Variants in MALRD1 observed in about 807,000 individuals in gnomAD.
The protein encoded by MALRD1 is MAM and LDL receptor class A domain containing 1.
In MALRD1, 247 loss-of-function variants were observed where a neutral mutation model predicts 242.1. The observed-to-expected ratio is 1.02, with a 90% confidence interval of 0.92 to 1.13. The LOEUF (loss-of-function observed/expected upper bound fraction) is 1.13. Among genes scored for constraint, MALRD1 ranks in the 50% most tolerant of loss-of-function variants. The pLI, the probability that MALRD1 is intolerant of heterozygous loss-of-function variation, is 0.00. For synonymous variants in MALRD1, 995 were observed against 866.6 expected, an observed-to-expected ratio of 1.15 and a Z score of -2.60; for missense variants, 2,989 against 2,533.1, an observed-to-expected ratio of 1.18 and a Z score of -3.86.
chr10:19,586,355 T>C (rs1837401878), intron 33 of MALRD1, among the ~76,000 whole-genome samples: 1 of 152,144 alleles, frequency 6.6e-6, no homozygotes, highest in South Asian at 2.1e-4. Flanking sequence ...ATTTTTGTGG[T>C]TTTATCTACT....
At chr10:19,124,883 T>C (rs1837198761) in intron 7 of MALRD1, among the ~76,000 whole-genome samples, 1 of 151,760 alleles carries the variant, frequency 6.6e-6, no homozygotes, top group South Asian at 2.1e-4. Context: ...TTTTTTAAGT[T>C]TTATTATTTC....
chr10:19,232,587 A>G (rs1361496051), intron 18 of MALRD1, among the ~76,000 whole-genome samples: 2 of 152,164 alleles, frequency 1.3e-5, no homozygotes, highest in Non-Finnish European at 2.9e-5. Flanking sequence ...TGCAGGGTGA[A>G]GTGAGATTGT....
chr10:19,629,798 C>T (rs777856401), intron 36 of MALRD1, among the ~76,000 whole-genome samples: 1 of 152,102 alleles, frequency 6.6e-6, no homozygotes, highest in Admixed American at 6.6e-5. Context: ...CCCCAGTGGC[C>T]CTGGAACGGC....
intron 36 of MALRD1, among the ~76,000 whole-genome samples, chr10:19,634,863 C>G (rs988549326): frequency 2.0e-5 from 3 of 152,142 alleles, no homozygotes; most frequent in African/African-American, 7.2e-5. Context: ...ACATCTCACT[C>G]CACTAAGAGA....
chr10:19,068,086 A>G (rs959901777), intron 2 of MALRD1, among the ~76,000 whole-genome samples: 8 of 152,048 alleles, frequency 5.3e-5, no homozygotes, highest in African/African-American at 1.9e-4. Context: ...CCTAACGGCC[A>G]TTGCAGTCTT....
chr10:19,155,221 G>A (rs1834098414), intron 12 of MALRD1, 49 bp downstream of exon 12: 11 of 1,073,556 alleles, frequency 1.0e-5, no homozygotes, highest in Admixed American at 8.5e-5. Flanking sequence ...GTTGTAAATC[G>A]CTGAGCTTGG....
intron 18 of MALRD1, among the ~76,000 whole-genome samples, chr10:19,232,411 C>G (rs1435001662): frequency 6.6e-6 from 1 of 151,342 alleles, no homozygotes; most frequent in Non-Finnish European, 1.5e-5. Context: ...TTCCTGACTT[C>G]AAGTCATCCG....
chr10:19,411,492 A>G (rs1833274566), intron 28 of MALRD1, among the ~76,000 whole-genome samples: 1 of 152,180 alleles, frequency 6.6e-6, no homozygotes, highest in Admixed American at 6.5e-5. Context: ...TAACTACATG[A>G]TCTTATTTAA....
chr10:19,660,824 T>G (rs1174599854), intron 36 of MALRD1, among the ~76,000 whole-genome samples: 2 of 152,196 alleles, frequency 1.3e-5, no homozygotes, highest in African/African-American at 4.8e-5. Flanking sequence ...TACAATTGGA[T>G]TTCCTTGTTT....
At chr10:19,559,043 C>T (rs1835847129) in intron 32 of MALRD1, among the ~76,000 whole-genome samples, 1 of 151,804 alleles carries the variant, frequency 6.6e-6, no homozygotes, top group Admixed American at 6.6e-5. Flanking sequence ...ATTAGCCAGG[C>T]ATGATGGTGG....
chr10:19,087,827 T>G lies in MALRD1; in HGVS notation c.341-13T>G. The stretch of plus-strand genomic sequence containing the variant: ...CTGGTTTTTTTTTGTACCCTGTCTC[T>G]TCTTTCTGATAGCTCACTTCCTCTC... On this transcript the variant is annotated splice_polypyrimidine_tract_variant and intron_variant, in intron 2 of 39. Transcript: ENST00000454679. 8.2e-7 allele frequency: 1 copy of G among 1,217,962 alleles called. No individual in the cohort carries two copies. The highest frequency in any genetic ancestry group is 4.1e-5 in the South Asian group (1 of 24,104). 75.4% of individuals were successfully genotyped at this position (1,217,962 alleles called of 1,614,324 possible).
intron 22 of MALRD1, among the ~76,000 whole-genome samples, chr10:19,326,313 G>A (rs1185615694): frequency 1.3e-5 from 2 of 152,046 alleles, no homozygotes; most frequent in African/African-American, 4.8e-5. Context: ...CATTTTTTCA[G>A]TATAAAACTT....
intron 36 of MALRD1, among the ~76,000 whole-genome samples, chr10:19,652,749 T>C (rs1429787542): frequency 1.3e-5 from 2 of 152,158 alleles, no homozygotes; most frequent in Non-Finnish European, 2.9e-5. Context: ...ATATAAACAT[T>C]AGGGTTAGAG....
intron 18 of MALRD1, among the ~76,000 whole-genome samples, chr10:19,210,032 GT>G (rs1195124099): frequency 6.6e-6 from 1 of 152,198 alleles, no homozygotes; most frequent in Non-Finnish European, 1.5e-5. Flanking sequence ...ACTGAAATCT[GT>G]GATTTTGCTT....
intron 18 of MALRD1, among the ~76,000 whole-genome samples, chr10:19,220,763 G>T (rs74907297): frequency 1.3e-5 from 2 of 151,832 alleles, no homozygotes; most frequent in African/African-American, 4.8e-5. Flanking sequence ...TCCTTGGTAG[G>T]ACTTAGTTCC....
intron 5 of MALRD1, among the ~76,000 whole-genome samples, chr10:19,120,750 G>T (rs769230833): frequency 3.9e-5 from 6 of 152,008 alleles, no homozygotes; most frequent in African/African-American, 4.8e-5. Context: ...ACACTTTTTT[G>T]TTGTTGTTGT....
intron 29 of MALRD1, among the ~76,000 whole-genome samples, chr10:19,460,741 A>C (rs996963130): frequency 2.6e-5 from 4 of 152,190 alleles, no homozygotes; most frequent in Admixed American, 2.6e-4. Flanking sequence ...CATAGTATAA[A>C]ATGTTTAAGG....
intron 36 of MALRD1, among the ~76,000 whole-genome samples, chr10:19,628,693 C>T (rs932024857): frequency 1.3e-5 from 2 of 151,998 alleles, no homozygotes; most frequent in Non-Finnish European, 2.9e-5. Context: ...TTTATTTTAC[C>T]AGGTACTGCT....
In MALRD1 at chr10:19,238,446, C is replaced by CATTATATAATGTAT. The variant is rs1564492433; in HGVS notation, c.2992-19230_2992-19229insATGTATATTATATA. ...TACATTATATATAATATATAATATA[C>CATTATATAATGTAT]ATTATATATAATATATAATATAATA... On this transcript the variant is annotated intron_variant, in intron 18 of 39. Coordinates refer to ENST00000454679, the MANE Select transcript of MALRD1 (RefSeq NM_001142308.3). Among the ~76,000 whole-genome samples, 219 of 30,284 alleles carry CATTATATAATGTAT rather than the reference C, an allele frequency of 7.2e-3. 17 individuals carry two copies. Among genetic ancestry groups the CATTATATAATGTAT allele is most frequent in the African/African-American group, 0.03 (215 of 7,154 alleles). The allele number at this position is 30,284 out of a possible 152,430, so 19.9% of individuals were successfully genotyped here.
Sources: gnomAD v4.1 joint callset for allele counts (sites outside exome capture counted in the v4.1 genomes callset) on GRCh38, gnomAD v4.1.1 for gene constraint, MANE v1.5 for transcripts, NCBI Gene and HGNC (gene_info 2026-07-23, HGNC 2026-07-21) for gene names.